KLF17: variants seen among roughly 807,000 people sequenced by gnomAD.
The protein encoded by KLF17 is KLF transcription factor 17, also known as Krueppel-like factor 17.
In KLF17, 31 loss-of-function variants were observed where a neutral mutation model predicts 34.2. That is an observed-to-expected ratio of 0.91 (90% confidence interval 0.68 to 1.22). KLF17 has a LOEUF of 1.22. Ranked by LOEUF, KLF17 falls within the 50% of genes most tolerant of loss-of-function variation. The pLI is 0.00. For missense variants in KLF17, 478 were observed against 505.2 expected, an observed-to-expected ratio of 0.95 and a Z score of 0.52; for synonymous variants, 179 against 186.7, an observed-to-expected ratio of 0.96 and a Z score of 0.34.
rs752180233 is a variant in KLF17, at chr1:44,130,599, C to T, written c.1013C>T (p.Thr338Ile). The T allele has an allele frequency of 1.2e-6, 2 of 1,614,094 alleles. No homozygotes were observed. Among genetic ancestry groups the T allele is most frequent in the Non-Finnish European group, 1.7e-6 (2 of 1,180,020 alleles). Residue 338 changes from threonine to isoleucine, a missense_variant, in exon 3 of 4, where the codon ACC (threonine) becomes ATC (isoleucine). By Grantham distance (89) the Thr-to-Ile change is moderately conservative. Coordinates refer to ENST00000372299, the MANE Select transcript of KLF17 (RefSeq NM_173484.4). ...CTTAGACGACATATGCGGGTACACA[C>T]CAGATATCGACCATATAAATGTGAT... ...DELRRHMRVH[T>I]RYRPYKCDQC...
chr1:44,080,991 G>A, the KLF17 span, among the ~76,000 whole-genome samples: 1 of 151,584 alleles, frequency 6.6e-6, no homozygotes, highest in East Asian at 1.9e-4. Flanking sequence ...TTGGGATTAT[G>A]GGCAGAAACC....
chr1:44,079,595 C>T, the KLF17 span, among the ~76,000 whole-genome samples: 16 of 152,006 alleles, frequency 1.1e-4, no homozygotes, highest in African/African-American at 3.1e-4. Context: ...TGAGCCACCA[C>T]GCCTGGCCTA....
the KLF17 span, among the ~76,000 whole-genome samples, chr1:44,094,905 A>G: frequency 7.4e-6 from 1 of 135,784 alleles, no homozygotes; most frequent in African/African-American, 2.7e-5. Context: ...TTTTATTTAT[A>G]TCTTTTTTTT....
chr1:44,076,532 T>C, the KLF17 span: 1 of 152,364 alleles, frequency 6.6e-6, no homozygotes, highest in South Asian at 2.1e-4. Flanking sequence ...TTACTCCACC[T>C]CTTCATCACC....
chr1:44,077,045 T>C, the KLF17 span, among the ~76,000 whole-genome samples: 1 of 147,114 alleles, frequency 6.8e-6, no homozygotes, highest in Non-Finnish European at 1.5e-5. Flanking sequence ...TTTTTCTTTC[T>C]TTTTTTTTAA....
At position 44,129,337 on chromosome 1, in the gene KLF17, ACT is replaced by A. The variant is rs2088070730; in HGVS notation, c.82-13_82-12del. The A allele has an allele frequency of 6.6e-7, 1 of 1,505,126 alleles. No individual in the cohort carries two copies. The highest frequency in any genetic ancestry group is 1.4e-5 in the African/African-American group (1 of 71,436). The allele number at this position is 1,505,126 out of a possible 1,614,324, so 93.2% of individuals were successfully genotyped here. ...CTGGAATTTGAGCAAAAATCACCTG[ACT>A]CTTTTTCCCCAAGGATAACGAGAAC... On this transcript the variant is annotated splice_polypyrimidine_tract_variant and intron_variant, in intron 1 of 3. Coordinates refer to ENST00000372299, the MANE Select transcript of KLF17 (RefSeq NM_173484.4).
chr1:44,078,434 C>CATT, the KLF17 span, among the ~76,000 whole-genome samples: 1 of 122,034 alleles, frequency 8.2e-6, no homozygotes. Flanking sequence ...GCTTTTCCTT[C>CATT]TTCTTTTTTT....
At chr1:44,096,384 T>A in the KLF17 span, among the ~76,000 whole-genome samples, 1 of 147,266 alleles carries the variant, frequency 6.8e-6, no homozygotes, top group Non-Finnish European at 1.5e-5. Flanking sequence ...CATTGTTTTT[T>A]ATTTTTATTA....
intron 3 of KLF17, among the ~76,000 whole-genome samples, chr1:44,132,529 A>G (rs1332394778): frequency 6.6e-6 from 1 of 151,804 alleles, no homozygotes; most frequent in Non-Finnish European, 1.5e-5. Context: ...TAAATACATC[A>G]CCTTACGTTA....
chr1:44,083,987 C>G, the KLF17 span, among the ~76,000 whole-genome samples: 2 of 152,138 alleles, frequency 1.3e-5, no homozygotes, highest in African/African-American at 4.8e-5. Context: ...CTCAGTTTCA[C>G]CAGGGTGATT....
chr1:44,102,092 G>A, the KLF17 span, among the ~76,000 whole-genome samples: 5 of 152,118 alleles, frequency 3.3e-5, no homozygotes, highest in Non-Finnish European at 7.4e-5. Flanking sequence ...TGGGAACAAA[G>A]AGGAAGGGCA....
intron 1 of KLF17, among the ~76,000 whole-genome samples, chr1:44,127,351 CGTCCAG>C (rs1557731481): frequency 2.4e-4 from 36 of 152,156 alleles, no homozygotes; most frequent in African/African-American, 7.9e-4. Context: ...AATAGAAGCC[CGTCCAG>C]TGTCCCTTTC....
intron 1 of KLF17, among the ~76,000 whole-genome samples, chr1:44,127,692 T>TTCTTTCTTTCTTTCTTTTTC (rs753421834): frequency 4.7e-4 from 42 of 90,150 alleles, no homozygotes; most frequent in Middle Eastern, 5.0e-3. Flanking sequence ...CTTTCTTTCT[T>TTCTTTCTTTCTTTCTTTTTC]TTTCTTTCTT....
the KLF17 span, among the ~76,000 whole-genome samples, chr1:44,082,683 C>A: frequency 6.6e-6 from 1 of 152,198 alleles, no homozygotes; most frequent in Non-Finnish European, 1.5e-5. Flanking sequence ...CACCAATATT[C>A]AGACAAAGGT....
At chr1:44,095,792 A>G in the KLF17 span, among the ~76,000 whole-genome samples, 1 of 146,034 alleles carries the variant, frequency 6.8e-6, no homozygotes, top group Non-Finnish European at 1.5e-5. Flanking sequence ...GCTATTATAA[A>G]TGAGATTACT....
the KLF17 span, chr1:44,069,905 C>T: frequency 2.6e-5 from 4 of 152,194 alleles, no homozygotes; most frequent in Non-Finnish European, 5.9e-5. This position sits in a 1 kb window ranked among gnomAD's most constrained non-coding sequence, Gnocchi z 4.7. Flanking sequence ...CCAGCGTCGG[C>T]GATGCATGTC....
the KLF17 span, among the ~76,000 whole-genome samples, chr1:44,074,162 C>T: frequency 5.8e-3 from 889 of 152,234 alleles, 11 homozygotes; most frequent in African/African-American, 0.021. Context: ...TCCAAGCAAA[C>T]ATTCAGGCCC....
chr1:44,097,353 T>C, the KLF17 span, among the ~76,000 whole-genome samples: 1 of 152,162 alleles, frequency 6.6e-6, no homozygotes, highest in Non-Finnish European at 1.5e-5. Context: ...TGCGGGCTCT[T>C]TTTTGGTTCC....
At chr1:44,078,584 C>T in the KLF17 span, among the ~76,000 whole-genome samples, 3 of 152,130 alleles carry the variant, frequency 2.0e-5, no homozygotes, top group East Asian at 1.9e-4. Flanking sequence ...ACTATAGGTG[C>T]GTGCCAGTAC....
Sources: allele counts gnomAD v4.1 joint callset (sites outside exome capture counted in the v4.1 genomes callset), GRCh38; gene constraint gnomAD v4.1.1; non-coding constraint Gnocchi (gnomAD v3.1); transcripts MANE v1.5; gene names NCBI Gene and HGNC (gene_info 2026-07-23, HGNC 2026-07-21).